The following CPNE4 variants were observed in gnomAD, a reference collection of about 807,000 sequenced individuals.
CPNE4 encodes copine-4.
A neutral mutation model predicts 67.9 loss-of-function variants in CPNE4; 25 were observed. The observed-to-expected ratio is 0.37, with a 90% CI of 0.27 to 0.51. The LOEUF is 0.51. CPNE4 is among the 20% of genes least tolerant of loss of function. CPNE4 has a pLI of 0.93. For missense variants in CPNE4, 464 were observed against 690.8 expected, an observed-to-expected ratio of 0.67 and a Z score of 3.68; for synonymous variants, 242 against 244.9, an observed-to-expected ratio of 0.99 and a Z score of 0.11.
At chr3:131,561,371 G>A (rs776853559) in intron 11 of CPNE4, among the ~76,000 whole-genome samples, 6 of 152,024 alleles carry the variant, frequency 3.9e-5, no homozygotes, top group Non-Finnish European at 7.4e-5. Context: ...ACATACATGC[G>A]TGTGTGTTTT....
intron 3 of CPNE4, among the ~76,000 whole-genome samples, chr3:131,710,480 A>T (rs1340222008): frequency 6.6e-6 from 1 of 152,172 alleles, no homozygotes; most frequent in Non-Finnish European, 1.5e-5. Context: ...TATGGGAAGA[A>T]CTGCTACTCT....
At chr3:131,877,520 T>C (rs1202437889) in intron 2 of CPNE4, among the ~76,000 whole-genome samples, 1 of 152,150 alleles carries the variant, frequency 6.6e-6, no homozygotes, top group Non-Finnish European at 1.5e-5. Context: ...AGGGATGCAA[T>C]GTTGATTGCT....
chr3:131,988,162 A>T (rs2073098820), intron 1 of CPNE4, among the ~76,000 whole-genome samples: 1 of 152,208 alleles, frequency 6.6e-6, no homozygotes, highest in South Asian at 2.1e-4. Context: ...ATATTTACTC[A>T]TCCCAAATGA....
chr3:131,646,357 A>G (rs1271996214), intron 7 of CPNE4, among the ~76,000 whole-genome samples: 2 of 152,194 alleles, frequency 1.3e-5, no homozygotes, highest in East Asian at 1.9e-4. Flanking sequence ...TTTCCCCTAC[A>G]TATAGGGAAA....
chr3:132,022,998 T>C (rs1396494462), intron 1 of CPNE4, among the ~76,000 whole-genome samples: 1 of 152,208 alleles, frequency 6.6e-6, no homozygotes, highest in Non-Finnish European at 1.5e-5. Context: ...TTAAACTTAA[T>C]GATGCTATAA....
intron 3 of CPNE4, among the ~76,000 whole-genome samples, chr3:131,711,154 AG>A (rs2081547138): frequency 6.6e-6 from 1 of 152,222 alleles, no homozygotes; most frequent in South Asian, 2.1e-4. Flanking sequence ...CCGGACAGGC[AG>A]GGGCAAACTG....
intron 7 of CPNE4, among the ~76,000 whole-genome samples, chr3:131,653,573 G>T (rs1441586249): frequency 6.6e-6 from 1 of 152,106 alleles, no homozygotes; most frequent in East Asian, 1.9e-4. Flanking sequence ...TCTGCATAGA[G>T]GCCCTCAGTG....
At chr3:131,998,261 C>A (rs2073345917) in intron 1 of CPNE4, among the ~76,000 whole-genome samples, 1 of 152,110 alleles carries the variant, frequency 6.6e-6, no homozygotes, top group Admixed American at 6.6e-5. Flanking sequence ...ATGAGCAAGA[C>A]AAGAAAACCA....
At chr3:131,966,541 T>C (rs980356245) in intron 1 of CPNE4, among the ~76,000 whole-genome samples, 1 of 152,040 alleles carries the variant, frequency 6.6e-6, no homozygotes, top group African/African-American at 2.4e-5. Flanking sequence ...AAAGGGGATA[T>C]CACCACTGAT....
intron 1 of CPNE4, among the ~76,000 whole-genome samples, chr3:131,949,273 C>T (rs2071649650): frequency 6.6e-6 from 1 of 152,168 alleles, no homozygotes; most frequent in Admixed American, 6.5e-5. Context: ...GTACTCCCTT[C>T]ACCCACTCAG....
chr3:131,657,181 T>G (rs2079993132), intron 7 of CPNE4, among the ~76,000 whole-genome samples: 1 of 152,236 alleles, frequency 6.6e-6, no homozygotes, highest in Non-Finnish European at 1.5e-5. Context: ...AACTTGTATA[T>G]GATGCAATGA....
Position 131,672,474 on chromosome 3 carries a change from G to T in CPNE4, c.592-2710C>A, listed in dbSNP as rs561752109. ...AGTATATGACAGTTCCCTTTTCTCC[G>T]CATCCTTGCCAGTATTTATTATGGC... is the stretch of plus-strand genomic sequence containing the variant. On this transcript the variant is annotated intron_variant, in intron 6 of 15. Transcript: ENST00000429747. Among the ~76,000 whole-genome samples the T allele has an allele frequency of 4.6e-5, 7 of 151,912 alleles. No homozygotes were observed. In the South Asian group the frequency reaches 1.5e-3, roughly 32 times the overall value.
intron 2 of CPNE4, among the ~76,000 whole-genome samples, chr3:131,836,659 G>C (rs2085568391): frequency 6.6e-6 from 1 of 152,148 alleles, no homozygotes; most frequent in African/African-American, 2.4e-5. Flanking sequence ...CATGACCAAG[G>C]ATTAGGCAAA....
intron 1 of CPNE4, among the ~76,000 whole-genome samples, chr3:131,975,346 G>A (rs556027663): frequency 1.4e-4 from 22 of 152,240 alleles, no homozygotes; most frequent in African/African-American, 4.3e-4. Flanking sequence ...GAAAAACCCC[G>A]GTTGGCAACT....
intron 2 of CPNE4, among the ~76,000 whole-genome samples, chr3:131,825,509 AC>A (rs1422955492): frequency 0.029 from 4,418 of 151,148 alleles, 154 homozygotes; most frequent in South Asian, 0.09. Context: ...AAAAAAAAAA[AC>A]ATTGGTAACT....
chr3:131,802,532 G>A (rs760469723), intron 2 of CPNE4, among the ~76,000 whole-genome samples: 62 of 152,160 alleles, frequency 4.1e-4, no homozygotes, highest in Non-Finnish European at 7.5e-4. Context: ...GCAGTCAGCA[G>A]ATGCTGGCTA....
intron 2 of CPNE4, among the ~76,000 whole-genome samples, chr3:131,754,375 GAA>G (rs759858134): frequency 1.7e-4 from 25 of 151,182 alleles, no homozygotes; most frequent in African/African-American, 6.1e-4. Flanking sequence ...AGAAGTATAA[GAA>G]AAAAAAGAGA....
intron 2 of CPNE4, among the ~76,000 whole-genome samples, chr3:131,844,846 T>G (rs1360455472): frequency 6.6e-6 from 1 of 152,202 alleles, no homozygotes; most frequent in Non-Finnish European, 1.5e-5. Context: ...CTTTCTCTTT[T>G]GAAGTTCTTC....
chr3:131,787,754 T>G (rs2083605932), intron 2 of CPNE4, among the ~76,000 whole-genome samples: 1 of 152,178 alleles, frequency 6.6e-6, no homozygotes, highest in East Asian at 1.9e-4. Flanking sequence ...AGAGTTAATT[T>G]GGTAGCTTGA....
Sources: gnomAD v4.1 joint callset for allele counts (sites outside exome capture counted in the v4.1 genomes callset) on GRCh38, gnomAD v4.1.1 for gene constraint, MANE v1.5 for transcripts, NCBI Gene and HGNC (gene_info 2026-07-23, HGNC 2026-07-21) for gene names.